Variants in CFAP57 observed in about 807,000 individuals in gnomAD.
CFAP57 encodes the protein cilia and flagella associated protein 57.
Under a neutral mutation model 146.8 loss-of-function variants are expected in CFAP57, and 116 were observed. The observed-to-expected ratio is 0.79, with a 90% CI of 0.68 to 0.92. The LOEUF (loss-of-function observed/expected upper bound fraction) is 0.92. Ranked by LOEUF, CFAP57 falls within the 40% of genes least tolerant of loss-of-function variation. The pLI, the probability that CFAP57 is intolerant of heterozygous loss-of-function variation, is 0.00. For missense variants in CFAP57, 1,377 were observed against 1,527.2 expected (o/e 0.90, Z 1.64); for synonymous variants, 518 against 552.8 (o/e 0.94, Z 0.88).
chr1:43,231,699 CAAA>C (rs10588937), intron 18 of CFAP57, among the ~76,000 whole-genome samples: 17,371 of 83,434 alleles, frequency 0.21, 1,148 homozygotes, highest in East Asian at 0.31. Context: ...CCTAAAAATA[CAAA>C]AAAAAAAAAA....
chr1:43,205,018 G>A (rs1470977626), intron 9 of CFAP57, among the ~76,000 whole-genome samples: 1 of 152,094 alleles, frequency 6.6e-6, no homozygotes, highest in Non-Finnish European at 1.5e-5. Context: ...CTATGTTAAC[G>A]GGTCTTTGTG....
intron 2 of CFAP57, among the ~76,000 whole-genome samples, chr1:43,176,323 G>C (rs78673837): frequency 0.015 from 2,317 of 152,266 alleles, 56 homozygotes; most frequent in African/African-American, 0.053. Flanking sequence ...GGTACAGCCA[G>C]AGAAAGACTC....
chr1:43,210,022 T>C, intron 11 of CFAP57, 106 bp downstream of exon 11: 1 of 1,613,798 alleles, frequency 6.2e-7, no homozygotes, highest in South Asian at 1.1e-5. Context: ...TCTTCTCTCT[T>C]ATTTATTCAT....
In CFAP57 at chr1:43,207,004, C is replaced by G. The variant is rs905361590; in HGVS notation, c.1755+72C>G. ...GGGACAGCTTCCCGTGCTTACAGCA[C>G]AAAGTATGCACGGAATGAGGGCCTC... On this transcript the variant is annotated intron_variant, in intron 10 of 22. Transcript: ENST00000372492. The G allele has an allele frequency of 4.0e-6, 6 of 1,490,142 alleles. No individual in the cohort carries two copies. The African/African-American group carries it at 8.3e-5, about 21-fold the overall frequency. 92.3% of individuals were successfully genotyped at this position (1,490,142 alleles called of 1,614,324 possible). A position where few individuals can be genotyped will look rare whatever the true frequency, so the allele number is the denominator to read the frequency against.
chr1:43,247,459 T>C (rs1298131142), intron 22 of CFAP57, among the ~76,000 whole-genome samples: 1 of 152,198 alleles, frequency 6.6e-6, no homozygotes, highest in Non-Finnish European at 1.5e-5. Context: ...GCCAGCACTA[T>C]TGATGCAAAA....
Position 43,207,251 on chromosome 1 carries a change from C to A in CFAP57, c.1755+319C>A, listed in dbSNP as rs563506082. 6.6e-4 allele frequency among the ~76,000 whole-genome samples: 100 copies of A among 152,338 alleles called. 1 individual carries two copies. The highest frequency in any genetic ancestry group is 1.0e-4 in the Non-Finnish European group (7 of 68,032). On this transcript the variant is annotated intron_variant, in intron 10 of 22. Transcript: ENST00000372492. The stretch of plus-strand genomic sequence containing the variant: ...ATGTCATCTCTAAACTGTACTCTTA[C>A]CCTTGGTCTGCACTTACATTCCTGG...
rs755016222 is a variant in CFAP57 at position 43,243,264 on chromosome 1, G to T, written c.3443G>T (p.Arg1148Leu). ...VSLIKEINEL[R>L]RELKFTRSQV... ...CTGATCAAGGAAATTAATGAGCTCCGCAGGGAGCTGAAGTTCACTCGGTCC... is the reference window on the plus strand; with the variant it reads ...CTGATCAAGGAAATTAATGAGCTCCTCAGGGAGCTGAAGTTCACTCGGTCC... The change falls in exon 22 of 23, where the codon CGC becomes CTC. Residue 1148 changes from arginine (R) to leucine (L), a missense_variant. Coordinates refer to ENST00000372492, the MANE Select transcript of CFAP57 (RefSeq NM_001378189.1). 3.9e-6 allele frequency: 6 copies of T among 1,549,788 alleles called. No individual in the cohort carries two copies. The highest frequency in any genetic ancestry group is 3.9e-5 in the Admixed American group (2 of 50,902).
intron 9 of CFAP57, 28 bp from the exon 10 acceptor site, chr1:43,206,692 T>C: frequency 3.1e-6 from 5 of 1,613,030 alleles, no homozygotes; most frequent in Middle Eastern, 1.7e-4. Context: ...TGTACACTCT[T>C]CACTGGATAT....
rs185999483 is a variant in CFAP57, at chr1:43,226,599, C to T, written c.2866-384C>T. On this transcript the variant is annotated intron_variant, in intron 17 of 22. Coordinates refer to ENST00000372492, the MANE Select transcript of CFAP57 (RefSeq NM_001378189.1). ...CCCTTCTGCTGCATTATTTGGGTTA[C>T]GAACAAGTCACAAGTCAAGGCAAAT... 1.3e-4 allele frequency among the ~76,000 whole-genome samples: 20 copies of T among 152,304 alleles called. No individual in the cohort carries two copies. The East Asian group carries it at 2.1e-3, about 16-fold the overall frequency.
At chr1:43,180,222 T>TC (rs200187691) in intron 2 of CFAP57, among the ~76,000 whole-genome samples, 1 of 139,938 alleles carries the variant, frequency 7.1e-6, no homozygotes, top group Admixed American at 7.5e-5. Flanking sequence ...ATATATATAT[T>TC]TTATATATAT....
intron 9 of CFAP57, among the ~76,000 whole-genome samples, chr1:43,203,512 G>A (rs1320785734): frequency 6.6e-6 from 1 of 152,258 alleles, no homozygotes; most frequent in East Asian, 1.9e-4. Context: ...CCAGGCTGGA[G>A]TGCAGTGGCA....
At chr1:43,198,750 T>TG in intron 8 of CFAP57, 104 bp downstream of exon 8, 1 of 1,243,190 alleles carries the variant, frequency 8.0e-7, no homozygotes, top group Non-Finnish European at 1.2e-6. Context: ...AAATCTGTCT[T>TG]GGAGAACTAC....
intron 6 of CFAP57, among the ~76,000 whole-genome samples, chr1:43,190,103 G>A (rs72968453): frequency 0.04 from 6,096 of 152,086 alleles, 162 homozygotes; most frequent in African/African-American, 0.07. Flanking sequence ...CATGACATCT[G>A]CAATAGAGGT....
At position 43,222,212 on chromosome 1, in the gene CFAP57, G is replaced by A. The variant is rs746181988; in HGVS notation, c.2449G>A (p.Asp817Asn). Residue 817 changes from aspartate to asparagine, a missense_variant, in exon 15 of 23, where the codon GAT becomes AAT. Transcript: ENST00000372492. ...EEYEKQLRDN[D>N]ETKSQALEEL... ...GTATGAAAAACAGCTCCGGGATAACGATGAGACCAAGAGCCAGGCCCTGGA... is the reference window on the plus strand; with the variant it reads ...GTATGAAAAACAGCTCCGGGATAACAATGAGACCAAGAGCCAGGCCCTGGA... The A allele has an allele frequency of 1.3e-4, 207 of 1,538,502 alleles. No homozygotes were observed. The highest frequency in any genetic ancestry group is 1.7e-4 in the Middle Eastern group (1 of 5,946).
In CFAP57 at chr1:43,222,206, G is replaced by T; in HGVS notation, c.2443G>T (p.Asp815Tyr). ...GGAAGAGTATGAAAAACAGCTCCGG[G>T]ATAACGATGAGACCAAGAGCCAGGC... ...MQEEYEKQLR[D>Y]NDETKSQALE... Residue 815 changes from aspartate to tyrosine, a missense_variant, in exon 15 of 23, where the codon GAT becomes TAT. Transcript: ENST00000372492. The T allele has an allele frequency of 1.3e-6, 2 of 1,540,624 alleles. No individual in the cohort carries two copies.
At chr1:43,173,196 C>G (rs1645044233) in intron 2 of CFAP57, among the ~76,000 whole-genome samples, 1 of 152,178 alleles carries the variant, frequency 6.6e-6, no homozygotes, top group Admixed American at 6.5e-5. Context: ...AATATCACTG[C>G]CTTTGTCATC....
At chr1:43,223,305 T>C (rs538725046) in intron 16 of CFAP57, among the ~76,000 whole-genome samples, 2 of 152,316 alleles carry the variant, frequency 1.3e-5, no homozygotes, top group African/African-American at 4.8e-5. Flanking sequence ...TAATGTTTTC[T>C]GAGATAACCC....
intron 22 of CFAP57, among the ~76,000 whole-genome samples, chr1:43,252,446 A>G (rs764652703): frequency 1.3e-5 from 2 of 152,022 alleles, no homozygotes; most frequent in Non-Finnish European, 2.9e-5. Flanking sequence ...AAAGGACCCC[A>G]CAGTAGTAGT....
rs1486279766 is a variant in CFAP57 at position 43,238,891 on chromosome 1, T to A, written c.3405+4253T>A. 6.6e-6 allele frequency among the ~76,000 whole-genome samples: 1 copy of A among 152,086 alleles called. No homozygotes were observed. The highest frequency in any genetic ancestry group is 2.4e-5 in the African/African-American group (1 of 41,410). ...TACGGCCTCAGTTTCCTCACAAGGT[T>A]GGTGTAAGGATGAACTGAGGGACTG... On this transcript the variant is annotated intron_variant, in intron 21 of 22. Coordinates refer to ENST00000372492, the MANE Select transcript of CFAP57 (RefSeq NM_001378189.1). This position sits in a 1 kb window ranked among gnomAD's most constrained non-coding sequence, Gnocchi z 4.3.
Sources: allele counts gnomAD v4.1 joint callset (sites outside exome capture counted in the v4.1 genomes callset), GRCh38; gene constraint gnomAD v4.1.1; non-coding constraint Gnocchi (gnomAD v3.1); transcripts MANE v1.5; gene names NCBI Gene and HGNC (gene_info 2026-07-23, HGNC 2026-07-21).